BRWD1: variants seen among roughly 807,000 people sequenced by gnomAD.
The protein encoded by BRWD1 is bromodomain and WD repeat-containing protein 1.
Under a neutral mutation model 251.2 loss-of-function variants are expected in BRWD1, and 82 were observed. The ratio of observed to expected loss-of-function variants is 0.33; its 90% CI spans 0.27 to 0.39. The LOEUF is 0.39. BRWD1 is among the 10% of genes least tolerant of loss of function. The pLI is 1.00. For missense variants in BRWD1, 2,233 were observed against 2,711.6 expected, an observed-to-expected ratio of 0.82 and a Z score of 3.92; for synonymous variants, 918 against 902.8, an observed-to-expected ratio of 1.02 and a Z score of -0.30.
At position 39,187,164 on chromosome 21, in the gene BRWD1, C is replaced by T. The variant is rs764276592; in HGVS notation, c.*9095G>A. ...AAACATTCAGTAATTTTTTCTTAGCCGCAGCAGAAGCATTTCGATGGGGCA... is the reference window on the plus strand; with the variant it reads ...AAACATTCAGTAATTTTTTCTTAGCTGCAGCAGAAGCATTTCGATGGGGCA... On this transcript the variant is annotated 3_prime_UTR_variant, in exon 41 of 41. Transcript: ENST00000342449. 29 of 1,613,278 alleles carry T rather than the reference C, an allele frequency of 1.8e-5. No homozygotes were observed. The highest frequency in any genetic ancestry group is 2.7e-5 in the African/African-American group (2 of 74,792).
Position 39,192,831 on chromosome 21 carries a change from G to A in BRWD1, c.*3428C>T, listed in dbSNP as rs1046284. On this transcript the variant is annotated 3_prime_UTR_variant, in exon 41 of 41. Coordinates refer to ENST00000342449, the MANE Select transcript of BRWD1 (RefSeq NM_033656.4). ...ATACAAACCTCTGGGGTTTCAGTTGGCACAATCAAGTTCAACTTGTACTAA... is the reference window on the plus strand; with the variant it reads ...ATACAAACCTCTGGGGTTTCAGTTGACACAATCAAGTTCAACTTGTACTAA... 5 of 984,844 alleles carry A rather than the reference G, an allele frequency of 5.1e-6. No individual in the cohort carries two copies. The highest frequency in any genetic ancestry group is 6.0e-6 in the Non-Finnish European group (5 of 829,600). The allele number at this position is 984,844 out of a possible 1,614,324, so 61.0% of individuals were successfully genotyped here. A position where few individuals can be genotyped will look rare whatever the true frequency, so the allele number is the denominator to read the frequency against.
rs1037647270 is a variant in BRWD1, at chr21:39,188,896, G to C, written c.*7363C>G. The C allele has an allele frequency of 3.0e-6, 3 of 985,162 alleles. No individual in the cohort carries two copies. Among genetic ancestry groups the C allele is most frequent in the Non-Finnish European group, 3.6e-6 (3 of 829,892 alleles). The allele number at this position is 985,162 out of a possible 1,614,324, so 61.0% of individuals were successfully genotyped here. Reference sequence around the variant, plus strand: ...GTTCAGTCTCCAGGCATTGTAAATGGCATTTTACCAGAGTAAGACACTCAT... The same window carrying C: ...GTTCAGTCTCCAGGCATTGTAAATGCCATTTTACCAGAGTAAGACACTCAT... On this transcript the variant is annotated 3_prime_UTR_variant, in exon 41 of 41. Transcript: ENST00000342449.
chr21:39,209,149 A>G (rs2032544406), intron 36 of BRWD1, among the ~76,000 whole-genome samples: 1 of 152,106 alleles, frequency 6.6e-6, no homozygotes, highest in Admixed American at 6.6e-5. Flanking sequence ...CATGCTTCAC[A>G]CTAACTTCCC....
At chr21:39,227,208 T>C (rs182293745) in intron 27 of BRWD1, among the ~76,000 whole-genome samples, 1 of 152,112 alleles carries the variant, frequency 6.6e-6, no homozygotes, top group Non-Finnish European at 1.5e-5. Context: ...AAGATCAATG[T>C]CTTAACATCA....
Position 39,192,383 on chromosome 21 carries a change from T to C in BRWD1, c.*3876A>G. ...AGTTTTGACAAATTTATTCCTTCTCTTCCCAAATACTAGGATAAGAGACAG... is the reference window on the plus strand; with the variant it reads ...AGTTTTGACAAATTTATTCCTTCTCCTCCCAAATACTAGGATAAGAGACAG... On this transcript the variant is annotated 3_prime_UTR_variant, in exon 41 of 41. Coordinates refer to ENST00000342449, the MANE Select transcript of BRWD1 (RefSeq NM_033656.4). 2.0e-6 allele frequency: 2 copies of C among 984,800 alleles called. No individual in the cohort carries two copies. The highest frequency in any genetic ancestry group is 2.4e-6 in the Non-Finnish European group (2 of 829,542). The allele number at this position is 984,800 out of a possible 1,614,324, so 61.0% of individuals were successfully genotyped here. A position where few individuals can be genotyped will look rare whatever the true frequency, so the allele number is the denominator to read the frequency against.
chr21:39,218,692 G>A (rs752126277), intron 29 of BRWD1, 32 bp from the exon 30 acceptor site: 32 of 1,484,738 alleles, frequency 2.2e-5, no homozygotes, highest in Admixed American at 7.2e-5. Context: ...ATGAGAGGAA[G>A]AAAAAAACAC....
chr21:39,189,151 C>T lies in BRWD1; in HGVS notation c.*7108G>A. 1 of 984,246 alleles carries T rather than the reference C, an allele frequency of 1.0e-6. No homozygotes were observed. The highest frequency in any genetic ancestry group is 4.7e-5 in the South Asian group (1 of 21,268). 61.0% of individuals were successfully genotyped at this position (984,246 alleles called of 1,614,324 possible). A position where few individuals can be genotyped will look rare whatever the true frequency, so the allele number is the denominator to read the frequency against. On this transcript the variant is annotated 3_prime_UTR_variant, in exon 41 of 41. Transcript: ENST00000342449. ...ATGTAAATATGCTACAAAGGGTAAA[C>T]AAAAATTTTAAAATATGCAAAATTA... is the stretch of plus-strand genomic sequence containing the variant.
chr21:39,258,574 A>G lies in BRWD1; in HGVS notation c.1984T>C (p.Leu662=). 1 of 1,613,652 alleles carries G rather than the reference A, an allele frequency of 6.2e-7. No individual in the cohort carries two copies. Among genetic ancestry groups the G allele is most frequent in the Non-Finnish European group, 8.5e-7 (1 of 1,179,726 alleles). ...SSILDGMIRQ[L]QQQQDQRMGA... ...ATTCTCTGATCTTGCTGCTGCTGCAACTGTCTTATCATTCCATCAAGAATA... is the reference window on the plus strand; with the variant it reads ...ATTCTCTGATCTTGCTGCTGCTGCAGCTGTCTTATCATTCCATCAAGAATA... Residue 662 remains leucine, a synonymous_variant, in exon 18 of 41, where the codon TTG becomes CTG. Coordinates refer to ENST00000342449, the MANE Select transcript of BRWD1 (RefSeq NM_033656.4).
intron 21 of BRWD1, among the ~76,000 whole-genome samples, chr21:39,239,679 A>G (rs1417731354): frequency 1.3e-5 from 2 of 152,176 alleles, no homozygotes; most frequent in African/African-American, 4.8e-5. Context: ...AACTCGAAAA[A>G]TCAGTTTGTC....
intron 22 of BRWD1, 128 bp downstream of exon 22, chr21:39,238,351 C>T: frequency 1.8e-6 from 1 of 558,962 alleles, no homozygotes. Flanking sequence ...TAGTTTTTGT[C>T]TCCTTTTAAG....
intron 4 of BRWD1, among the ~76,000 whole-genome samples, chr21:39,299,210 A>G (rs539047115): frequency 6.6e-6 from 1 of 151,258 alleles, no homozygotes; most frequent in South Asian, 2.1e-4. Flanking sequence ...GCAACAAGAA[A>G]AAAATATATA....
Position 39,194,315 on chromosome 21 carries a change from A to C in BRWD1, c.*1944T>G, listed in dbSNP as rs2031700436. The C allele has an allele frequency of 1.0e-6, 1 of 1,004,930 alleles. No homozygotes were observed. The highest frequency in any genetic ancestry group is 1.2e-6 in the Non-Finnish European group (1 of 841,464). The allele number at this position is 1,004,930 out of a possible 1,614,324, so 62.3% of individuals were successfully genotyped here. On this transcript the variant is annotated 3_prime_UTR_variant, in exon 41 of 41. Coordinates refer to ENST00000342449, the MANE Select transcript of BRWD1 (RefSeq NM_033656.4). ...ATGGTAAACATGGAGTTAAAACCTG[A>C]GAACAGATTATAAAAGAGAAGGTTA... is the stretch of plus-strand genomic sequence containing the variant.
rs1200302773 is a variant in BRWD1 at position 39,313,187 on chromosome 21, C to G, written c.108+54G>C. On this transcript the variant is annotated intron_variant, in intron 2 of 40. Transcript: ENST00000342449. The stretch of plus-strand genomic sequence containing the variant: ...CCCGCCCACCACCCGCGACCCCCGG[C>G]GGCGGGGACACTGGGGACGCCAAGT... 10 of 1,505,344 alleles carry G rather than the reference C, an allele frequency of 6.6e-6. No individual in the cohort carries two copies. The East Asian group carries it at 1.6e-4, about 24-fold the overall frequency. The allele number at this position is 1,505,344 out of a possible 1,614,324, so 93.2% of individuals were successfully genotyped here.
intron 33 of BRWD1, 74 bp downstream of exon 33, chr21:39,213,404 AAAG>A (rs2032748628): frequency 2.8e-6 from 4 of 1,428,326 alleles, no homozygotes; most frequent in Non-Finnish European, 3.9e-6. Context: ...TTGGTACTAC[AAAG>A]CCAACATTTT....
At chr21:39,185,337 G>C (rs1352708381), downstream of BRWD1, 4 of 101,560 alleles carry the variant, frequency 3.9e-5, no homozygotes, top group African/African-American at 1.5e-4. Context: ...GCATAAAATA[G>C]TCTTCACCGA....
chr21:39,248,641 C>CAAA (rs375430016), intron 20 of BRWD1, among the ~76,000 whole-genome samples: 30 of 83,286 alleles, frequency 3.6e-4, no homozygotes, highest in East Asian at 8.0e-4. Context: ...CCCTATCTCC[C>CAAA]AAAAAAAAAA....
chr21:39,284,478 T>C (rs993311976), intron 8 of BRWD1, among the ~76,000 whole-genome samples: 1 of 152,198 alleles, frequency 6.6e-6, no homozygotes, highest in African/African-American at 2.4e-5. Flanking sequence ...AACCTGCCTC[T>C]GGGGGAGGCG....
At chr21:39,256,255 C>T (rs1177460771) in intron 18 of BRWD1, among the ~76,000 whole-genome samples, 2 of 152,160 alleles carry the variant, frequency 1.3e-5, no homozygotes, top group African/African-American at 2.4e-5. Flanking sequence ...ATATGCATTC[C>T]TAAAAACTGT....
chr21:39,312,879 A>AC lies in BRWD1; in HGVS notation c.159_160insG (p.Trp54ValfsTer18). 6.4e-7 allele frequency: 1 copy of AC among 1,560,614 alleles called. No individual in the cohort carries two copies. The highest frequency in any genetic ancestry group is 8.7e-7 in the Non-Finnish European group (1 of 1,153,432). ...CTCCTGTTGTGCTCGTTGCCCTCCC[A>AC]GTCCAATCTCTTCGGCAACAACTGG... On this transcript the variant is annotated frameshift_variant, in exon 4 of 41. Coordinates refer to ENST00000342449, the MANE Select transcript of BRWD1 (RefSeq NM_033656.4). LOFTEE classifies it high-confidence loss of function.
Sources: gnomAD v4.1 joint callset for allele counts (sites outside exome capture counted in the v4.1 genomes callset) on GRCh38, gnomAD v4.1.1 for gene constraint, MANE v1.5 for transcripts, NCBI Gene and HGNC (gene_info 2026-07-23, HGNC 2026-07-21) for gene names.